Variants in KCNJ6 observed in about 807,000 individuals in gnomAD.
KCNJ6 encodes G protein-activated inward rectifier potassium channel 2.
A neutral mutation model predicts 34.2 loss-of-function variants in KCNJ6; 9 were observed. That is an observed-to-expected ratio of 0.26 (90% CI 0.16 to 0.46). KCNJ6 has a LOEUF of 0.46. KCNJ6 is among the 20% of genes least tolerant of loss of function. KCNJ6 has a pLI of 1.00. For missense variants in KCNJ6, 236 were observed against 531.3 expected (o/e 0.44, Z 5.46); for synonymous variants, 196 against 207.1 (o/e 0.95, Z 0.46).
intron 2 of KCNJ6, among the ~76,000 whole-genome samples, chr21:37,830,614 C>T (rs1248977289): frequency 6.6e-6 from 1 of 152,148 alleles, no homozygotes; most frequent in Non-Finnish European, 1.5e-5. Flanking sequence ...CAGTTCATTC[C>T]TTCCCAGTGC....
chr21:37,847,795 G>A (rs1418813132), intron 1 of KCNJ6, among the ~76,000 whole-genome samples: 3 of 148,184 alleles, frequency 2.0e-5, no homozygotes, highest in Non-Finnish European at 4.5e-5. Flanking sequence ...GGAGAAGGAG[G>A]GGGAGAAACA....
At chr21:37,780,290 C>T (rs858043) in intron 2 of KCNJ6, among the ~76,000 whole-genome samples, 92,718 of 151,886 alleles carry the variant, frequency 0.61, 30,179 homozygotes, top group African/African-American at 0.84. Context: ...AAAAGATCAG[C>T]GGTTGCAAGA....
intron 3 of KCNJ6, among the ~76,000 whole-genome samples, chr21:37,697,813 T>C (rs2054670348): frequency 6.6e-6 from 1 of 152,190 alleles, no homozygotes; most frequent in Non-Finnish European, 1.5e-5. Flanking sequence ...TTATATTTGT[T>C]GATGGTACAT....
rs1601386394 is a variant in KCNJ6 at position 37,613,775 on chromosome 21, A to G, written c.*11384T>C. 2 of 152,354 alleles carry G rather than the reference A, an allele frequency of 1.3e-5. No individual in the cohort carries two copies. The highest frequency in any genetic ancestry group is 6.5e-5 in the Admixed American group (1 of 15,308). The allele number at this position is 152,354 out of a possible 1,614,324, so 9.4% of individuals were successfully genotyped here. A position where few individuals can be genotyped will look rare whatever the true frequency, so the allele number is the denominator to read the frequency against. The stretch of plus-strand genomic sequence containing the variant: ...CAGGGGTTGGGAGGACACAAGATGA[A>G]TTGGGAGAGCACAGAGGATTTTTAG... On this transcript the variant is annotated 3_prime_UTR_variant, in exon 4 of 4. Coordinates refer to ENST00000609713, the MANE Select transcript of KCNJ6 (RefSeq NM_002240.5).
intron 3 of KCNJ6, among the ~76,000 whole-genome samples, chr21:37,679,703 TG>T (rs34540291): frequency 1 from 152,310 of 152,310 alleles, 76,155 homozygotes; most frequent in Non-Finnish European, 1. Flanking sequence ...CATTGGCCAG[TG>T]GAAGTTTGAC....
chr21:37,881,649 G>A (rs1048546135), intron 1 of KCNJ6, among the ~76,000 whole-genome samples: 3 of 152,060 alleles, frequency 2.0e-5, no homozygotes, highest in Non-Finnish European at 2.9e-5. Context: ...CCAAAGTGCC[G>A]GGATTACAAG....
At chr21:37,793,093 T>C (rs1414653002) in intron 2 of KCNJ6, among the ~76,000 whole-genome samples, 2 of 152,222 alleles carry the variant, frequency 1.3e-5, no homozygotes, top group African/African-American at 4.8e-5. Flanking sequence ...TGTATCAGGA[T>C]AGGATGGCCT....
intron 1 of KCNJ6, among the ~76,000 whole-genome samples, chr21:37,911,765 T>G (rs1338248007): frequency 6.6e-6 from 1 of 152,176 alleles, no homozygotes; most frequent in African/African-American, 2.4e-5. Flanking sequence ...TGCCTTTCCA[T>G]AAAGAGCATT....
At chr21:37,878,832 C>T (rs1301058300) in intron 1 of KCNJ6, among the ~76,000 whole-genome samples, 2 of 152,204 alleles carry the variant, frequency 1.3e-5, no homozygotes, top group Non-Finnish European at 2.9e-5. Context: ...CTCACCCCCA[C>T]TGGAAGGCTG....
chr21:37,728,658 T>C (rs1241745137), intron 2 of KCNJ6, among the ~76,000 whole-genome samples: 1 of 150,778 alleles, frequency 6.6e-6, no homozygotes, highest in Non-Finnish European at 1.5e-5. Context: ...CAGTTACTAG[T>C]TAGTGATGCC....
At chr21:37,762,396 G>A (rs1345319608) in intron 2 of KCNJ6, among the ~76,000 whole-genome samples, 2 of 152,146 alleles carry the variant, frequency 1.3e-5, no homozygotes, top group African/African-American at 4.8e-5. Context: ...GAGGCTTCCT[G>A]CTCGTCATTA....
intron 2 of KCNJ6, among the ~76,000 whole-genome samples, chr21:37,739,577 T>C (rs1452865258): frequency 6.6e-6 from 1 of 152,192 alleles, no homozygotes; most frequent in Non-Finnish European, 1.5e-5. Flanking sequence ...CGTGTGTAAA[T>C]ATGTTCCCTC....
At chr21:37,842,255 C>T (rs1014604145) in intron 1 of KCNJ6, among the ~76,000 whole-genome samples, 5 of 152,224 alleles carry the variant, frequency 3.3e-5, no homozygotes, top group East Asian at 3.8e-4. Flanking sequence ...TCGACATTTT[C>T]GTGCTTGGAA....
At chr21:37,630,609 T>C (rs767750620) in intron 3 of KCNJ6, among the ~76,000 whole-genome samples, 2 of 152,206 alleles carry the variant, frequency 1.3e-5, no homozygotes, top group Non-Finnish European at 2.9e-5. Flanking sequence ...AGCTAAGATA[T>C]AACACAATGC....
intron 2 of KCNJ6, among the ~76,000 whole-genome samples, chr21:37,773,146 C>G (rs2055125471): frequency 6.6e-6 from 1 of 152,136 alleles, no homozygotes; most frequent in Non-Finnish European, 1.5e-5. Flanking sequence ...GGATGATGAT[C>G]CTTTTCCACT....
intron 1 of KCNJ6, among the ~76,000 whole-genome samples, chr21:37,892,356 T>C (rs2055766343): frequency 6.6e-6 from 1 of 152,222 alleles, no homozygotes. Context: ...CCTACCTCAG[T>C]TTTTAATAGT....
intron 2 of KCNJ6, among the ~76,000 whole-genome samples, chr21:37,792,701 C>T (rs1310104310): frequency 6.6e-6 from 1 of 152,114 alleles, no homozygotes; most frequent in Non-Finnish European, 1.5e-5. Flanking sequence ...GTCACTTCCC[C>T]AATATCACAC....
intron 1 of KCNJ6, among the ~76,000 whole-genome samples, chr21:37,908,075 T>C (rs187045433): frequency 2.0e-4 from 31 of 152,358 alleles, no homozygotes; most frequent in Admixed American, 1.2e-3. Context: ...TTACTGGTAT[T>C]TACTGTTTCA....
chr21:37,886,283 G>C lies in KCNJ6; in HGVS notation c.-28+29601C>G, dbSNP rs190702111. Among the ~76,000 whole-genome samples the C allele has an allele frequency of 2.7e-3, 406 of 152,300 alleles. 1 individual carries two copies. Among genetic ancestry groups the C allele is most frequent in the Admixed American group, 4.7e-3 (72 of 15,310 alleles). ...ACCAGAGGCCTGGGTCATGTTTAAT[G>C]CTGGACTAGAGTATGCAGCTGCTCA... On this transcript the variant is annotated intron_variant, in intron 1 of 3. Coordinates refer to ENST00000609713, the MANE Select transcript of KCNJ6 (RefSeq NM_002240.5).
Sources: gnomAD v4.1 joint callset for allele counts (sites outside exome capture counted in the v4.1 genomes callset) on GRCh38, gnomAD v4.1.1 for gene constraint, MANE v1.5 for transcripts, NCBI Gene and HGNC (gene_info 2026-07-23, HGNC 2026-07-21) for gene names.